KCNH8: variants seen among roughly 807,000 people sequenced by gnomAD.
KCNH8 encodes potassium voltage-gated channel subfamily H member 8, also known as voltage-gated delayed rectifier potassium channel KCNH8.
In KCNH8, 70 loss-of-function variants were observed where a neutral mutation model predicts 103.6. The ratio of observed to expected loss-of-function variants is 0.68; its 90% CI spans 0.56 to 0.82. KCNH8 has a LOEUF of 0.82. Among genes scored for constraint, KCNH8 ranks in the 40% least tolerant of loss-of-function variants. The pLI is 0.00. For missense variants in KCNH8, 1,217 were observed against 1,329.9 expected (o/e 0.92, Z 1.32); for synonymous variants, 498 against 489.4 (o/e 1.02, Z -0.23).
chr3:19,439,651 T>A (rs2067250010), intron 8 of KCNH8, among the ~76,000 whole-genome samples: 1 of 152,192 alleles, frequency 6.6e-6, no homozygotes, highest in South Asian at 2.1e-4. Context: ...GCAGAGATCA[T>A]GCTAACAACA....
intron 1 of KCNH8, among the ~76,000 whole-genome samples, chr3:19,166,234 A>G (rs1261663231): frequency 1.3e-5 from 2 of 152,232 alleles, no homozygotes; most frequent in Non-Finnish European, 2.9e-5. Flanking sequence ...AGGGTTTTGT[A>G]TCTTAAAATG....
chr3:19,533,257 T>C lies in KCNH8; in HGVS notation c.2620-138T>C, dbSNP rs2069197985. 1.6e-5 allele frequency: 9 copies of C among 546,788 alleles called. 1 individual carries two copies. In the South Asian group the frequency reaches 2.6e-4, roughly 16 times the overall value. 33.9% of individuals were successfully genotyped at this position (546,788 alleles called of 1,614,324 possible). A position where few individuals can be genotyped will look rare whatever the true frequency, so the allele number is the denominator to read the frequency against. The stretch of plus-strand genomic sequence containing the variant: ...AAAAATTTCTTTTTCACCAAGCAAA[T>C]GCTAAAATGTTTAAGAATAAATAAG... On this transcript the variant is annotated intron_variant, in intron 15 of 15. Transcript: ENST00000328405.
chr3:19,520,505 C>G (rs979265195), intron 15 of KCNH8, among the ~76,000 whole-genome samples: 1 of 151,906 alleles, frequency 6.6e-6, no homozygotes, highest in African/African-American at 2.4e-5. Context: ...AAAATTATCC[C>G]TCTTCTAACC....
intron 1 of KCNH8, among the ~76,000 whole-genome samples, chr3:19,220,337 C>T (rs571784501): frequency 1.3e-5 from 2 of 152,232 alleles, no homozygotes; most frequent in African/African-American, 2.4e-5. Flanking sequence ...GGTTACTTAT[C>T]ATAGTGGCAT....
chr3:19,442,642 T>G (rs529735208), intron 8 of KCNH8, among the ~76,000 whole-genome samples: 1 of 152,274 alleles, frequency 6.6e-6, no homozygotes, highest in African/African-American at 2.4e-5. Flanking sequence ...TTAAAAAATT[T>G]AGGTGACCCG....
intron 15 of KCNH8, among the ~76,000 whole-genome samples, chr3:19,522,780 C>T (rs972787383): frequency 4.6e-5 from 7 of 151,664 alleles, no homozygotes; most frequent in East Asian, 1.9e-4. Context: ...TCCCCTTTAG[C>T]GATATAATAA....
rs9827278 is a variant in KCNH8 at position 19,340,355 on chromosome 3, T to A, written c.443-2232T>A. On this transcript the variant is annotated intron_variant, in intron 3 of 15. Coordinates refer to ENST00000328405, the MANE Select transcript of KCNH8 (RefSeq NM_144633.3). ...CAATTTATTTTTTTTATTTTTTTTTTAATTTTTTTTTTTTTTATTATACTC... is the reference window on the plus strand; with the variant it reads ...CAATTTATTTTTTTTATTTTTTTTTAAATTTTTTTTTTTTTTATTATACTC... 1.0e-4 allele frequency among the ~76,000 whole-genome samples: 11 copies of A among 107,134 alleles called. No homozygotes were observed. The East Asian group carries it at 2.8e-3, about 28-fold the overall frequency. 70.3% of individuals were successfully genotyped at this position (107,134 alleles called of 152,430 possible).
chr3:19,535,119 G>A lies in KCNH8; in HGVS notation c.*1020G>A, dbSNP rs1255400301. 3 of 152,096 alleles carry A rather than the reference G, an allele frequency of 2.0e-5. No individual in the cohort carries two copies. Among genetic ancestry groups the A allele is most frequent in the African/African-American group, 7.2e-5 (3 of 41,390 alleles). The allele number at this position is 152,096 out of a possible 1,614,324, so 9.4% of individuals were successfully genotyped here. A position where few individuals can be genotyped will look rare whatever the true frequency, so the allele number is the denominator to read the frequency against. On this transcript the variant is annotated 3_prime_UTR_variant, in exon 16 of 16. Transcript: ENST00000328405. ...ATTTTGTTGCTCAAGAATCCAAAAT[G>A]GGTCTGTGGACATAGGGCAATTTGG...
chr3:19,331,377 C>T (rs543753892), intron 3 of KCNH8, among the ~76,000 whole-genome samples: 4 of 151,782 alleles, frequency 2.6e-5, no homozygotes, highest in East Asian at 1.9e-4. Flanking sequence ...CTGCAACCTC[C>T]GCCTCCCAGG....
chr3:19,231,007 A>G (rs1398895131), intron 1 of KCNH8, among the ~76,000 whole-genome samples: 4 of 152,198 alleles, frequency 2.6e-5, no homozygotes, highest in East Asian at 1.9e-4. Flanking sequence ...ACAAATAAGT[A>G]TAAGAAAATG....
chr3:19,313,273 A>C (rs771005117), intron 3 of KCNH8, among the ~76,000 whole-genome samples: 2 of 151,890 alleles, frequency 1.3e-5, no homozygotes, highest in Non-Finnish European at 2.9e-5. Flanking sequence ...ATTTGGGACA[A>C]GTCAGCTTGC....
chr3:19,304,051 G>A (rs1026228969), intron 3 of KCNH8, among the ~76,000 whole-genome samples: 8 of 152,116 alleles, frequency 5.3e-5, no homozygotes, highest in Admixed American at 4.6e-4. Context: ...GAGAAAATAA[G>A]CAAAAGTTTA....
rs763202220 is a variant in KCNH8 at position 19,533,717 on chromosome 3, C to T, written c.2942C>T (p.Ala981Val). The change falls in exon 16 of 16, where the codon GCA becomes GTA. Residue 981 changes from alanine to valine, a missense_variant. Ala to Val is a moderately conservative substitution (Grantham distance 64). Around this residue, in one of 3 missense-constraint regions of KCNH8, gnomAD observed 558 missense variants for 495.8 expected, o/e 1.13. Coordinates refer to ENST00000328405, the MANE Select transcript of KCNH8 (RefSeq NM_144633.3). Reference protein sequence around the residue: ...QRTGAHEQNPADSELYHSPSL... With the variant: ...QRTGAHEQNPVDSELYHSPSL... ...ACTGGAGCTCATGAGCAAAATCCTGCAGACAGTGAACTTTATCATTCTCCA... is the reference window on the plus strand; with the variant it reads ...ACTGGAGCTCATGAGCAAAATCCTGTAGACAGTGAACTTTATCATTCTCCA... 6.2e-7 allele frequency: 1 copy of T among 1,614,180 alleles called. No individual in the cohort carries two copies. The highest frequency in any genetic ancestry group is 1.7e-5 in the Admixed American group (1 of 60,024).
intron 11 of KCNH8, among the ~76,000 whole-genome samples, chr3:19,485,169 C>A (rs1013684164): frequency 6.6e-6 from 1 of 152,136 alleles, no homozygotes; most frequent in Non-Finnish European, 1.5e-5. Flanking sequence ...TGAGCCGATT[C>A]GTAAGGGCAG....
intron 5 of KCNH8, among the ~76,000 whole-genome samples, chr3:19,365,117 C>T (rs2065993948): frequency 6.6e-6 from 1 of 152,064 alleles, no homozygotes; most frequent in African/African-American, 2.4e-5. Context: ...CCATTCTTTA[C>T]TGTAAGCAAA....
chr3:19,458,485 T>G (rs2067568722), intron 11 of KCNH8, among the ~76,000 whole-genome samples: 1 of 151,956 alleles, frequency 6.6e-6, no homozygotes, highest in Non-Finnish European at 1.5e-5. Flanking sequence ...ATCCTTATCT[T>G]TTTAAAAAAT....
chr3:19,483,826 T>C (rs1164617537), intron 11 of KCNH8, among the ~76,000 whole-genome samples: 1 of 152,182 alleles, frequency 6.6e-6, no homozygotes, highest in African/African-American at 2.4e-5. Flanking sequence ...TGGTTATTAC[T>C]AGCTCTAAGG....
intron 8 of KCNH8, among the ~76,000 whole-genome samples, chr3:19,445,360 C>T (rs1348781105): frequency 6.6e-6 from 1 of 151,374 alleles, no homozygotes; most frequent in African/African-American, 2.4e-5. Context: ...GGGAAGCCTC[C>T]AGGATACTAA....
intron 5 of KCNH8, among the ~76,000 whole-genome samples, chr3:19,349,863 T>C (rs1294082808): frequency 6.6e-6 from 1 of 152,130 alleles, no homozygotes; most frequent in Non-Finnish European, 1.5e-5. Flanking sequence ...AGCAGCAAGA[T>C]GGTTCTCCCA....
Sources: gnomAD v4.1 joint callset for allele counts (sites outside exome capture counted in the v4.1 genomes callset) on GRCh38, gnomAD v4.1.1 for gene constraint, gnomAD v4.1.1 regional missense constraint, MANE v1.5 for transcripts, NCBI Gene and HGNC (gene_info 2026-07-23, HGNC 2026-07-21) for gene names.